Variants in TTLL3 observed in about 807,000 individuals in gnomAD.
The protein encoded by TTLL3 is tubulin monoglycylase TTLL3.
In TTLL3, 63 loss-of-function variants were observed where a neutral mutation model predicts 75.2. The observed-to-expected ratio is 0.84, with a 90% CI of 0.68 to 1.03. The LOEUF (loss-of-function observed/expected upper bound fraction) is 1.03, where lower values mean the gene tolerates loss of function less well. Among genes scored for constraint, TTLL3 ranks in the 50% least tolerant of loss-of-function variants. TTLL3 has a pLI of 0.00. For synonymous variants in TTLL3, 393 were observed against 418.5 expected, an observed-to-expected ratio of 0.94 and a Z score of 0.74; for missense variants, 997 against 1,069.9, an observed-to-expected ratio of 0.93 and a Z score of 0.95.
chr3:9,815,644 C>T (rs530272401), intron 4 of TTLL3, among the ~76,000 whole-genome samples: 2 of 152,390 alleles, frequency 1.3e-5, no homozygotes, highest in Non-Finnish European at 2.9e-5. Flanking sequence ...AGCTTTGTCA[C>T]TCCTTGGGGA....
chr3:9,819,131 C>T (rs893198377), intron 7 of TTLL3: 8 of 618,044 alleles, frequency 1.3e-5, no homozygotes, highest in South Asian at 4.0e-5. Context: ...TCTGATCTAC[C>T]GATTCACCCA....
At chr3:9,827,924 C>T (rs2081198000) in intron 10 of TTLL3, 2 of 152,290 alleles carry the variant, frequency 1.3e-5, no homozygotes, top group African/African-American at 2.4e-5. Context: ...GGTGGATCAC[C>T]TGAGGTCAGG....
chr3:9,820,012 G>A (rs2080261937), intron 7 of TTLL3: 1 of 988,232 alleles, frequency 1.0e-6, no homozygotes, highest in East Asian at 1.1e-4. Flanking sequence ...CTTCTGAAGG[G>A]TCAGTTTCTG....
chr3:9,832,506 G>GAGCT (rs2124988902), intron 11 of TTLL3, among the ~76,000 whole-genome samples: 1 of 152,304 alleles, frequency 6.6e-6, no homozygotes, highest in Admixed American at 6.5e-5. Flanking sequence ...AAGGCACAGG[G>GAGCT]AGCTCTCCTG....
chr3:9,830,132 C>T (rs370675844), intron 11 of TTLL3, among the ~76,000 whole-genome samples: 26 of 152,240 alleles, frequency 1.7e-4, no homozygotes, highest in African/African-American at 5.5e-4. Flanking sequence ...CAGAAGCCAC[C>T]GTGCCCAGCC....
intron 9 of TTLL3, 89 bp downstream of exon 9, chr3:9,826,037 G>A: frequency 6.6e-7 from 1 of 1,523,318 alleles, no homozygotes; most frequent in Non-Finnish European, 8.8e-7. Flanking sequence ...CAGGTCTATT[G>A]AAGCCAAATT....
At chr3:9,819,180 A>C in intron 7 of TTLL3, 1 of 514,870 alleles carries the variant, frequency 1.9e-6, no homozygotes, top group Non-Finnish European at 3.5e-6. Context: ...CCCACCTGTC[A>C]CCCATTGTTA....
intron 10 of TTLL3, chr3:9,828,730 C>T (rs17050593): frequency 0.18 from 107,632 of 591,162 alleles, 11,920 homozygotes; most frequent in East Asian, 0.4. Context: ...TACTGCGGCC[C>T]CCGTAACTAG....
chr3:9,813,777 T>A lies in TTLL3; in HGVS notation c.315+432T>A, dbSNP rs565146540. On this transcript the variant is annotated intron_variant, in intron 4 of 13. Transcript: ENST00000685419. The stretch of plus-strand genomic sequence containing the variant: ...TCCAACCTGGGCAGCAAAGCAAGAC[T>A]CTATCTCTAAAAAAGAAATAAGTGA... 2.2e-3 allele frequency among the ~76,000 whole-genome samples: 329 copies of A among 152,100 alleles called. 2 individuals are homozygous for A. Among genetic ancestry groups the A allele is most frequent in the Non-Finnish European group, 3.8e-3 (256 of 67,996 alleles).
At chr3:9,826,034 A>G (rs540035724) in intron 9 of TTLL3, 86 bp downstream of exon 9, 38 of 1,526,456 alleles carry the variant, frequency 2.5e-5, no homozygotes, top group East Asian at 7.0e-5. Flanking sequence ...GTGCAGGTCT[A>G]TTGAAGCCAA....
intron 7 of TTLL3, 52 bp downstream of exon 7, chr3:9,818,972 C>T (rs764210542): frequency 2.2e-5 from 36 of 1,610,960 alleles, no homozygotes; most frequent in South Asian, 1.8e-4. Flanking sequence ...TCCACCCATC[C>T]GCCCTTCCAC....
intron 2 of TTLL3, among the ~76,000 whole-genome samples, chr3:9,811,977 T>G (rs1247376206): frequency 6.6e-6 from 1 of 152,258 alleles, no homozygotes; most frequent in Non-Finnish European, 1.5e-5. Context: ...TGTAAATCCC[T>G]GCTCTTTTGC....
At position 9,835,248 on chromosome 3, in the gene TTLL3, C is replaced by T. The variant is rs1048275657; in HGVS notation, c.2207C>T (p.Pro736Leu). 1 of 1,614,062 alleles carries T rather than the reference C, an allele frequency of 6.2e-7. No homozygotes were observed. The highest frequency in any genetic ancestry group is 8.5e-7 in the Non-Finnish European group (1 of 1,180,018). Residue 736 changes from proline to leucine, a missense_variant, in exon 14 of 14, where the codon CCC becomes CTC. Coordinates refer to ENST00000685419, the MANE Select transcript of TTLL3 (RefSeq NM_001387446.1). ...GACAAACCCAGGGCTGAGGCCTGCC[C>T]CATGAAGAGGCTGAGCCCCCTGAAA... is the stretch of plus-strand genomic sequence containing the variant. Reference protein sequence around the residue: ...DCDKPRAEACPMKRLSPLKPL... With the variant: ...DCDKPRAEACLMKRLSPLKPL...
In TTLL3 at chr3:9,835,416, A is replaced by ACT; in HGVS notation, c.2377_2378dup (p.Ile794ProfsTer62). 6.2e-7 allele frequency: 1 copy of ACT among 1,612,964 alleles called. No homozygotes were observed. The highest frequency in any genetic ancestry group is 2.2e-5 in the East Asian group (1 of 44,870). ...AAACAAGTGAAGTATTTGGGGCTTG[A>ACT]CTCCATTGCTGTTGGAGGGTCAAGA... On this transcript the variant is annotated frameshift_variant, in exon 14 of 14. Transcript: ENST00000685419. LOFTEE classifies it low-confidence loss of function (END_TRUNC).
chr3:9,833,204 G>C lies in TTLL3; in HGVS notation c.1784G>C (p.Arg595Pro), dbSNP rs369758731. ...ATGTGTCATCGGCGGATGGGGGTCC[G>C]CCCAGCAGTCCCTCTGCTGACCCAG... Reference protein sequence around the residue: ...MAMCHRRMGVRPAVPLLTQRG... With the variant: ...MAMCHRRMGVPPAVPLLTQRG... The change falls in exon 12 of 14, where the codon CGC becomes CCC. Residue 595 changes from arginine to proline, a missense_variant. Transcript: ENST00000685419. The C allele has an allele frequency of 3.4e-5, 55 of 1,613,918 alleles. No homozygotes were observed. The South Asian group carries it at 5.6e-4, about 16-fold the overall frequency.
At position 9,834,733 on chromosome 3, in the gene TTLL3, T is replaced by G; in HGVS notation, c.1878T>G (p.His626Gln). ...LHTKAQLPSP[H>Q]VLRHQGQVLR... ...CCAAGGCCCAGCTGCCTTCTCCCCA[T>G]GTACTCCGACACCAGGGCCAGGTCC... The change falls in exon 13 of 14, where the codon CAT (histidine) becomes CAG (glutamine). Residue 626 changes from histidine (H) to glutamine (Q), a missense_variant. By Grantham distance (24) the His-to-Gln change is conservative. Coordinates refer to ENST00000685419, the MANE Select transcript of TTLL3 (RefSeq NM_001387446.1). 1.2e-6 allele frequency: 2 copies of G among 1,614,166 alleles called. No homozygotes were observed. Among genetic ancestry groups the G allele is most frequent in the Non-Finnish European group, 1.7e-6 (2 of 1,180,038 alleles).
Position 9,827,257 on chromosome 3 carries a change from G to A in TTLL3, c.1247+17G>A, listed in dbSNP as rs377599034. On this transcript the variant is annotated intron_variant, in intron 10 of 13. Transcript: ENST00000685419. ...CCTGGACAAGTGAGCCCCTCTGCTC[G>A]CCTCCCACGAGCTCCCTGCCTAGTT... The A allele has an allele frequency of 4.5e-5, 73 of 1,610,596 alleles. 1 individual carries two copies. Among genetic ancestry groups the A allele is most frequent in the South Asian group, 3.4e-4 (31 of 90,934 alleles).
chr3:9,824,294 C>T (rs904479872), intron 8 of TTLL3, among the ~76,000 whole-genome samples: 1 of 152,162 alleles, frequency 6.6e-6, no homozygotes, highest in Non-Finnish European at 1.5e-5. Context: ...CAGGAATGAA[C>T]CCCAAAAAGC....
intron 11 of TTLL3, among the ~76,000 whole-genome samples, chr3:9,830,609 TG>T (rs2081429352): frequency 6.6e-6 from 1 of 152,012 alleles, no homozygotes; most frequent in Non-Finnish European, 1.5e-5. Flanking sequence ...GGGAAATACA[TG>T]GGCAGGAAAA....
Sources: allele counts gnomAD v4.1 joint callset (sites outside exome capture counted in the v4.1 genomes callset), GRCh38; gene constraint gnomAD v4.1.1; transcripts MANE v1.5; gene names NCBI Gene and HGNC (gene_info 2026-07-23, HGNC 2026-07-21).